The following ADTRP variants were observed in gnomAD, a reference collection of about 807,000 sequenced individuals.
The protein encoded by ADTRP is androgen dependent TFPI regulating protein, also known as androgen-dependent TFPI-regulating protein.
Under a neutral mutation model 27.0 loss-of-function variants are expected in ADTRP, and 20 were observed. The ratio of observed to expected loss-of-function variants is 0.74; its 90% CI spans 0.52 to 1.08. The LOEUF (loss-of-function observed/expected upper bound fraction) is 1.08. Among genes scored for constraint, ADTRP ranks in the 50% least tolerant of loss-of-function variants. The probability of loss-of-function intolerance (pLI) is 0.00; values close to 1 mark genes in which losing one functional copy is unlikely to be tolerated. For missense variants in ADTRP, 251 were observed against 275.0 expected (o/e 0.91, Z 0.62); for synonymous variants, 101 against 105.2 (o/e 0.96, Z 0.25).
At chr6:11,733,216 C>A (rs918111169) in intron 4 of ADTRP, among the ~76,000 whole-genome samples, 4 of 152,248 alleles carry the variant, frequency 2.6e-5, no homozygotes, top group African/African-American at 9.6e-5. Flanking sequence ...AACTGGTCTA[C>A]CTGTCTTGTT....
intron 3 of ADTRP, among the ~76,000 whole-genome samples, chr6:11,748,354 C>T (rs1290823514): frequency 6.6e-6 from 1 of 152,202 alleles, no homozygotes; most frequent in Non-Finnish European, 1.5e-5. Flanking sequence ...CACCTCACTC[C>T]ACCCCAAAGG....
At chr6:11,727,712 A>G (rs58408903) in intron 4 of ADTRP, among the ~76,000 whole-genome samples, 4,445 of 152,192 alleles carry the variant, frequency 0.029, 214 homozygotes, top group African/African-American at 0.1. Flanking sequence ...TTCACAGATA[A>G]AGTGTAAGGA....
intron 3 of ADTRP, among the ~76,000 whole-genome samples, chr6:11,749,103 G>A (rs1198009143): frequency 6.6e-6 from 1 of 152,230 alleles, no homozygotes; most frequent in African/African-American, 2.4e-5. Flanking sequence ...CGAGGGTGTT[G>A]GCAGTGGAAC....
chr6:11,738,967 G>A (rs1207595160), intron 3 of ADTRP, among the ~76,000 whole-genome samples: 1 of 151,920 alleles, frequency 6.6e-6, no homozygotes, highest in Non-Finnish European at 1.5e-5. Context: ...TAAGCCTTCT[G>A]GTGTTTCAAG....
intron 1 of ADTRP, among the ~76,000 whole-genome samples, chr6:11,771,045 C>T (rs1763758364): frequency 6.6e-6 from 1 of 152,218 alleles, no homozygotes. Flanking sequence ...CTAGAGTCAT[C>T]GTGAGTCAAG....
intron 3 of ADTRP, among the ~76,000 whole-genome samples, chr6:11,754,864 A>G (rs769932968): frequency 6.6e-6 from 1 of 152,198 alleles, no homozygotes; most frequent in Non-Finnish European, 1.5e-5. Flanking sequence ...GAGGAGTGTC[A>G]GTACTAACCT....
At chr6:11,743,228 A>G (rs2113261679) in intron 3 of ADTRP, among the ~76,000 whole-genome samples, 1 of 152,288 alleles carries the variant, frequency 6.6e-6, no homozygotes, top group Middle Eastern at 3.4e-3. Context: ...TAAAGAGATG[A>G]TAAACTCTTT....
At chr6:11,728,712 C>A (rs977685565) in intron 4 of ADTRP, among the ~76,000 whole-genome samples, 1 of 152,154 alleles carries the variant, frequency 6.6e-6, no homozygotes, top group African/African-American at 2.4e-5. Flanking sequence ...CTCTGTCAGG[C>A]ACATTTATTT....
rs72821834 is a variant in ADTRP, at chr6:11,773,353, T to C, written c.154-4970A>G. 5.1e-3 allele frequency among the ~76,000 whole-genome samples: 773 copies of C among 152,304 alleles called. 7 individuals carry two copies. Among genetic ancestry groups the C allele is most frequent in the Middle Eastern group, 0.01 (3 of 294 alleles). On this transcript the variant is annotated intron_variant, in intron 1 of 5. Transcript: ENST00000414691. ...TGAGATGTGCCTGCAGGATGTTCAC[T>C]GAAGAACGCTCTCAGACATCTATGA...
intron 4 of ADTRP, among the ~76,000 whole-genome samples, chr6:11,725,171 C>T (rs1762146818): frequency 6.6e-6 from 1 of 152,072 alleles, no homozygotes; most frequent in Non-Finnish European, 1.5e-5. Flanking sequence ...AAGAGAGGCC[C>T]TAGGGTGTAA....
intron 3 of ADTRP, among the ~76,000 whole-genome samples, chr6:11,751,126 G>A (rs1378678691): frequency 6.6e-6 from 1 of 152,206 alleles, no homozygotes; most frequent in Non-Finnish European, 1.5e-5. Context: ...TGGGATTACA[G>A]GCGTGAACCA....
intron 3 of ADTRP, among the ~76,000 whole-genome samples, chr6:11,761,410 T>C (rs1007658255): frequency 1.3e-5 from 2 of 152,264 alleles, no homozygotes; most frequent in Admixed American, 6.5e-5. Context: ...TAGGGCCTTG[T>C]ACATAGCAGG....
intron 1 of ADTRP, among the ~76,000 whole-genome samples, chr6:11,775,527 A>G (rs1025656062): frequency 1.2e-4 from 18 of 152,102 alleles, no homozygotes; most frequent in African/African-American, 4.3e-4. Flanking sequence ...TCTCCCTCCC[A>G]GCAGGGAATC....
intron 1 of ADTRP, among the ~76,000 whole-genome samples, chr6:11,769,634 A>G (rs1400957049): frequency 6.6e-6 from 1 of 152,116 alleles, no homozygotes; most frequent in Non-Finnish European, 1.5e-5. Context: ...TTGAAAAACT[A>G]CCTATTGGGT....
At chr6:11,737,257 C>T (rs1762582588) in intron 3 of ADTRP, among the ~76,000 whole-genome samples, 1 of 152,152 alleles carries the variant, frequency 6.6e-6, no homozygotes, top group South Asian at 2.1e-4. Context: ...TCCTCCTTCA[C>T]TCCTGCTTGC....
In ADTRP at chr6:11,714,516, T is replaced by G. The variant is rs749361328; in HGVS notation, c.659-4A>C. 6.2e-7 allele frequency: 1 copy of G among 1,613,280 alleles called. No homozygotes were observed. Among genetic ancestry groups the G allele is most frequent in the Non-Finnish European group, 8.5e-7 (1 of 1,179,748 alleles). On this transcript the variant is annotated splice_polypyrimidine_tract_variant and splice_region_variant and intron_variant, in intron 5 of 5. Transcript: ENST00000414691. ...TTCCGTGGCTGCCTCATGTCACCTG[T>G]ACAAACAAGAACAGAGACAGACCTC...
chr6:11,721,040 A>G (rs930533370), intron 5 of ADTRP, among the ~76,000 whole-genome samples: 2 of 152,230 alleles, frequency 1.3e-5, no homozygotes, highest in African/African-American at 4.8e-5. Flanking sequence ...TCTAGTGGAA[A>G]AACAAATCCC....
chr6:11,723,176 G>A (rs926364), intron 5 of ADTRP, among the ~76,000 whole-genome samples, 173 bp downstream of exon 5: 72,763 of 152,006 alleles, frequency 0.48, 19,187 homozygotes, highest in Non-Finnish European at 0.61. Context: ...CACCCCCAAC[G>A]CTGTCCTCTT....
chr6:11,715,459 G>T (rs766283934), intron 5 of ADTRP, among the ~76,000 whole-genome samples: 10 of 152,112 alleles, frequency 6.6e-5, no homozygotes, highest in Non-Finnish European at 1.2e-4. Flanking sequence ...TCTTGATCAT[G>T]CAGTCCTCAT....
Sources: gnomAD v4.1 joint callset for allele counts (sites outside exome capture counted in the v4.1 genomes callset) on GRCh38, gnomAD v4.1.1 for gene constraint, MANE v1.5 for transcripts, NCBI Gene and HGNC (gene_info 2026-07-23, HGNC 2026-07-21) for gene names.